Variants in CFAP299 observed in about 807,000 individuals in gnomAD.
The protein encoded by CFAP299 is cilia- and flagella-associated protein 299.
CFAP299 carries 21 observed loss-of-function variants against 27.0 expected under a neutral mutation model. The ratio of observed to expected loss-of-function variants is 0.78; its 90% CI spans 0.55 to 1.12. The LOEUF is 1.12. Among genes scored for constraint, CFAP299 ranks in the 50% most tolerant of loss-of-function variants. The pLI is 0.00. For missense variants in CFAP299, 310 were observed against 276.6 expected, an observed-to-expected ratio of 1.12 and a Z score of -0.86; for synonymous variants, 104 against 98.1, an observed-to-expected ratio of 1.06 and a Z score of -0.36.
chr4:80,891,980 C>T (rs1443067893), intron 4 of CFAP299, among the ~76,000 whole-genome samples: 1 of 151,816 alleles, frequency 6.6e-6, no homozygotes, highest in Non-Finnish European at 1.5e-5. Context: ...AATACCAATG[C>T]CATTCTTCAC....
intron 2 of CFAP299, among the ~76,000 whole-genome samples, chr4:80,406,171 T>C (rs1243570143): frequency 6.6e-6 from 1 of 152,206 alleles, no homozygotes; most frequent in Non-Finnish European, 1.5e-5. Context: ...GATTATTTAA[T>C]AAACCTTGTA....
At chr4:80,669,270 C>T (rs566452552) in intron 3 of CFAP299, among the ~76,000 whole-genome samples, 7 of 144,686 alleles carry the variant, frequency 4.8e-5, no homozygotes, top group East Asian at 4.2e-4. Context: ...AAGTGATTGT[C>T]GTCCTGTCTC....
chr4:80,446,513 C>A (rs1342700376), intron 2 of CFAP299, among the ~76,000 whole-genome samples: 1 of 152,188 alleles, frequency 6.6e-6, no homozygotes, highest in Non-Finnish European at 1.5e-5. Context: ...ATAATTCTAT[C>A]CTCTACTTAA....
At chr4:80,655,409 A>T (rs1002583203) in intron 3 of CFAP299, among the ~76,000 whole-genome samples, 9 of 152,202 alleles carry the variant, frequency 5.9e-5, no homozygotes, top group African/African-American at 2.2e-4. Flanking sequence ...TGGAATCATG[A>T]CAGGAAATGT....
intron 2 of CFAP299, among the ~76,000 whole-genome samples, chr4:80,416,165 A>AATCTGGC (rs1200758696): frequency 2.6e-5 from 4 of 152,196 alleles, no homozygotes; most frequent in Non-Finnish European, 5.9e-5. Flanking sequence ...TCCTGTTGGA[A>AATCTGGC]ATCTGGCACT....
intron 2 of CFAP299, among the ~76,000 whole-genome samples, chr4:80,379,813 C>T (rs1439635315): frequency 6.6e-6 from 1 of 151,840 alleles, no homozygotes; most frequent in East Asian, 1.9e-4. Flanking sequence ...CTTTATCTCC[C>T]AGTATATGGT....
intron 4 of CFAP299, among the ~76,000 whole-genome samples, chr4:80,909,855 CAA>C (rs1218777521): frequency 6.6e-6 from 1 of 151,946 alleles, no homozygotes; most frequent in African/African-American, 2.4e-5. Context: ...AAGCTTGCAA[CAA>C]AAACATTTTT....
intron 3 of CFAP299, among the ~76,000 whole-genome samples, chr4:80,655,092 C>A (rs1445715859): frequency 2.0e-5 from 3 of 152,056 alleles, no homozygotes; most frequent in Non-Finnish European, 4.4e-5. Flanking sequence ...AATACTTAAT[C>A]TTTTACCTTT....
intron 2 of CFAP299, among the ~76,000 whole-genome samples, chr4:80,524,968 A>G (rs1017433412): frequency 6.6e-6 from 1 of 151,964 alleles, no homozygotes; most frequent in East Asian, 1.9e-4. Flanking sequence ...AATGTTTGTT[A>G]CCATGTGTCT....
chr4:80,804,202 T>G (rs565386274), intron 3 of CFAP299, among the ~76,000 whole-genome samples: 56 of 152,148 alleles, frequency 3.7e-4, no homozygotes, highest in Non-Finnish European at 6.9e-4. Context: ...ATAGTCACAA[T>G]GTACAACCAT....
chr4:80,914,849 A>G (rs980437128), intron 4 of CFAP299, among the ~76,000 whole-genome samples: 2 of 152,228 alleles, frequency 1.3e-5, no homozygotes, highest in East Asian at 3.9e-4. Flanking sequence ...CCTGATATGA[A>G]TAATTTATTT....
At chr4:80,543,190 C>A (rs1006349909) in intron 2 of CFAP299, among the ~76,000 whole-genome samples, 1 of 152,118 alleles carries the variant, frequency 6.6e-6, no homozygotes, top group African/African-American at 2.4e-5. Flanking sequence ...ATAATGATCA[C>A]AAAAACAAAA....
At chr4:80,957,578 T>G (rs1738132933) in intron 5 of CFAP299, among the ~76,000 whole-genome samples, 1 of 152,144 alleles carries the variant, frequency 6.6e-6, no homozygotes, top group African/African-American at 2.4e-5. Context: ...TAAAATAAAT[T>G]TGCAAATAAA....
intron 4 of CFAP299, among the ~76,000 whole-genome samples, chr4:80,891,741 T>G (rs1433850149): frequency 9.8e-6 from 1 of 101,614 alleles, no homozygotes; most frequent in Admixed American, 1.2e-4. Flanking sequence ...AATGTGCACA[T>G]GTACCCTAAA....
intron 2 of CFAP299, among the ~76,000 whole-genome samples, chr4:80,475,936 G>C (rs759854415): frequency 2.6e-5 from 4 of 152,156 alleles, no homozygotes; most frequent in African/African-American, 9.7e-5. Flanking sequence ...AGAATGTGAC[G>C]ACCCAGACGC....
intron 3 of CFAP299, among the ~76,000 whole-genome samples, chr4:80,586,606 A>T (rs1056909129): frequency 1.8e-4 from 28 of 152,186 alleles, no homozygotes; most frequent in Admixed American, 8.5e-4. Context: ...TGTATAGAAC[A>T]TGGGTCCTCC....
intron 3 of CFAP299, among the ~76,000 whole-genome samples, chr4:80,678,313 C>T (rs1719604595): frequency 6.6e-6 from 1 of 151,908 alleles, no homozygotes; most frequent in Non-Finnish European, 1.5e-5. Context: ...TCTTCTTACT[C>T]TTCCTTCTTG....
At chr4:80,913,084 GC>G (rs758410562) in intron 4 of CFAP299, among the ~76,000 whole-genome samples, 33 of 152,064 alleles carry the variant, frequency 2.2e-4, no homozygotes, top group Non-Finnish European at 2.9e-5. Context: ...AAAACATGGG[GC>G]CCCCTGAAAT....
intron 3 of CFAP299, among the ~76,000 whole-genome samples, chr4:80,648,065 A>C (rs57039678): frequency 6.6e-6 from 1 of 152,188 alleles, no homozygotes; most frequent in African/African-American, 2.4e-5. Context: ...TCTCCAAAAA[A>C]AGGAAAAATG....
Sources: allele counts gnomAD v4.1 joint callset (sites outside exome capture counted in the v4.1 genomes callset), GRCh38; gene constraint gnomAD v4.1.1; transcripts MANE v1.5; gene names NCBI Gene and HGNC (gene_info 2026-07-23, HGNC 2026-07-21).